GRB14: variants seen among roughly 807,000 people sequenced by gnomAD.
GRB14 encodes the protein growth factor receptor-bound protein 14.
In GRB14, 38 loss-of-function variants were observed where a neutral mutation model predicts 69.1. The observed-to-expected ratio is 0.55, with a 90% CI of 0.42 to 0.72. GRB14 has a LOEUF of 0.72. Among genes scored for constraint, GRB14 ranks in the 30% least tolerant of loss-of-function variants. The pLI is 0.00. For synonymous variants in GRB14, 247 were observed against 241.3 expected (o/e 1.02, Z -0.22); for missense variants, 666 against 666.1 (o/e 1.00, Z 0.00).
At chr2:164,585,749 T>C (rs1689523204) in intron 2 of GRB14, among the ~76,000 whole-genome samples, 1 of 152,140 alleles carries the variant, frequency 6.6e-6, no homozygotes, top group African/African-American at 2.4e-5. Context: ...TAAGAAGTGA[T>C]CATATAGATA....
chr2:164,514,376 T>C (rs1482852620), intron 6 of GRB14, among the ~76,000 whole-genome samples: 1 of 152,024 alleles, frequency 6.6e-6, no homozygotes, highest in Admixed American at 6.6e-5. Flanking sequence ...CAAAAAACTG[T>C]GAGTACCCAA....
intron 3 of GRB14, among the ~76,000 whole-genome samples, chr2:164,538,875 T>C (rs972188446): frequency 3.1e-4 from 47 of 152,298 alleles, no homozygotes; most frequent in African/African-American, 1.0e-3. Flanking sequence ...CTCAGTTCAA[T>C]CTCAGTAATT....
At position 164,557,050 on chromosome 2, in the gene GRB14, G is replaced by A. The variant is rs561150163; in HGVS notation, c.325-9234C>T. On this transcript the variant is annotated intron_variant, in intron 2 of 13. Transcript: ENST00000263915. ...CAAATTTTCATGAAACTTATGGACTGAACAAAGGTGGCTTAGGTGACTGCT... is the reference window on the plus strand; with the variant it reads ...CAAATTTTCATGAAACTTATGGACTAAACAAAGGTGGCTTAGGTGACTGCT... Among the ~76,000 whole-genome samples the A allele has an allele frequency of 1.1e-4, 16 of 152,308 alleles. 1 individual carries two copies. The highest frequency in any genetic ancestry group is 2.0e-4 in the Admixed American group (3 of 15,300).
chr2:164,525,796 ATTC>A (rs1687755239), intron 4 of GRB14, among the ~76,000 whole-genome samples: 1 of 152,006 alleles, frequency 6.6e-6, no homozygotes, highest in Non-Finnish European at 1.5e-5. Flanking sequence ...TGGTCTAATA[ATTC>A]TGTGTTGAGG....
intron 6 of GRB14, among the ~76,000 whole-genome samples, chr2:164,514,182 A>AG (rs1314733873): frequency 6.6e-6 from 1 of 152,238 alleles, no homozygotes; most frequent in Non-Finnish European, 1.5e-5. Flanking sequence ...AAATAACTAA[A>AG]GAGAAGTAAA....
chr2:164,613,573 G>T (rs773149367), intron 2 of GRB14, among the ~76,000 whole-genome samples: 1 of 152,182 alleles, frequency 6.6e-6, no homozygotes, highest in Non-Finnish European at 1.5e-5. Context: ...AAGCAACACT[G>T]CAAAGAAATC....
At chr2:164,599,554 T>A (rs1328991451) in intron 2 of GRB14, among the ~76,000 whole-genome samples, 1 of 152,162 alleles carries the variant, frequency 6.6e-6, no homozygotes, top group Non-Finnish European at 1.5e-5. Flanking sequence ...AATGACAAAG[T>A]AGGCAGTGCT....
In GRB14 at chr2:164,525,067, TG is replaced by T; in HGVS notation, c.614del (p.Pro205GlnfsTer25). Reference sequence around the variant, plus strand: ...CAGTTGCAAAAGATACCATATGCTCTGGAAAAAAATACTGTCAAAAAGACAC... The same window carrying T: ...CAGTTGCAAAAGATACCATATGCTCTGAAAAAAATACTGTCAAAAAGACAC... ...EFFKNPMYFF[P>X]EHMVSFATET... On this transcript the variant is annotated frameshift_variant, in exon 5 of 14. Transcript: ENST00000263915. LOFTEE classifies it high-confidence loss of function. 6.3e-7 allele frequency: 1 copy of T among 1,578,208 alleles called. No homozygotes were observed. Among genetic ancestry groups the T allele is most frequent in the Non-Finnish European group, 8.7e-7 (1 of 1,155,110 alleles).
At chr2:164,580,997 C>T (rs1689390632) in intron 2 of GRB14, among the ~76,000 whole-genome samples, 1 of 152,172 alleles carries the variant, frequency 6.6e-6, no homozygotes, top group African/African-American at 2.4e-5. Flanking sequence ...TAGGATGACA[C>T]TTTCTTCTAC....
In GRB14 at chr2:164,614,886, G is replaced by C. The variant is rs528662141; in HGVS notation, c.324+4801C>G. ...TGATATAAGAGGCCCTTTAATTTGG[G>C]GACAGAGATCTGCTTATCCTTTGAA... is the stretch of plus-strand genomic sequence containing the variant. On this transcript the variant is annotated intron_variant, in intron 2 of 13. Transcript: ENST00000263915. Among the ~76,000 whole-genome samples the C allele has an allele frequency of 1.4e-3, 209 of 152,178 alleles. 1 individual carries two copies. Among genetic ancestry groups the C allele is most frequent in the African/African-American group, 4.8e-3 (198 of 41,528 alleles).
intron 8 of GRB14, among the ~76,000 whole-genome samples, chr2:164,507,876 C>T (rs890143132): frequency 7.2e-5 from 11 of 152,118 alleles, no homozygotes; most frequent in Non-Finnish European, 1.5e-4. Context: ...GAGAGTCTAC[C>T]TTTAGAATAT....
In GRB14 at chr2:164,567,314, T is replaced by C. The variant is rs540833066; in HGVS notation, c.325-19498A>G. Among the ~76,000 whole-genome samples, 8 of 152,262 alleles carry C rather than the reference T, an allele frequency of 5.3e-5. No individual in the cohort carries two copies. The East Asian group carries it at 1.4e-3, about 26-fold the overall frequency. On this transcript the variant is annotated intron_variant, in intron 2 of 13. Coordinates refer to ENST00000263915, the MANE Select transcript of GRB14 (RefSeq NM_004490.3). ...TGGATAAGAAAATAAGCTGAAAATCTAAAAATTAAAAATAGTAAAGAGGCA... is the reference window on the plus strand; with the variant it reads ...TGGATAAGAAAATAAGCTGAAAATCCAAAAATTAAAAATAGTAAAGAGGCA...
rs1483745800 is a variant in GRB14, at chr2:164,621,337, A to G, written c.-28T>C. On this transcript the variant is annotated 5_prime_UTR_variant, in exon 1 of 14. The change abolishes an upstream ATG in the 5' untranslated region. Coordinates refer to ENST00000263915, the MANE Select transcript of GRB14 (RefSeq NM_004490.3). The surrounding 1 kb of genome is among the most constrained non-coding windows in gnomAD (Gnocchi z 6.0). ...TCGCCGGCCGGGGGGCTCGGGCGTC[A>G]TGGGAGACTCGGCGCGTGGGGAGAA... 5 of 1,276,544 alleles carry G rather than the reference A, an allele frequency of 3.9e-6. No individual in the cohort carries two copies. The African/African-American group carries it at 4.6e-5, about 12-fold the overall frequency. 79.1% of individuals were successfully genotyped at this position (1,276,544 alleles called of 1,614,324 possible).
At chr2:164,600,909 C>T (rs921548206) in intron 2 of GRB14, among the ~76,000 whole-genome samples, 1 of 151,982 alleles carries the variant, frequency 6.6e-6, no homozygotes, top group African/African-American at 2.4e-5. Flanking sequence ...CTAATAGTGA[C>T]CACACAACAG....
intron 3 of GRB14, among the ~76,000 whole-genome samples, chr2:164,530,645 C>G (rs992146701): frequency 2.0e-4 from 31 of 151,816 alleles, no homozygotes; most frequent in Admixed American, 1.7e-3. Flanking sequence ...AAAAAAAAAC[C>G]CTTGAGGTGA....
chr2:164,501,788 G>A (rs1687059768), intron 9 of GRB14, among the ~76,000 whole-genome samples: 1 of 151,940 alleles, frequency 6.6e-6, no homozygotes, highest in African/African-American at 2.4e-5. Flanking sequence ...GTATACTGTA[G>A]CTTTTAAAAT....
At chr2:164,548,733 T>G (rs572338120) in intron 2 of GRB14, among the ~76,000 whole-genome samples, 5 of 152,346 alleles carry the variant, frequency 3.3e-5, no homozygotes, top group African/African-American at 1.2e-4. Flanking sequence ...TTATCTCTTG[T>G]CTTTTTGATA....
At chr2:164,502,128 G>T in intron 9 of GRB14, 127 bp downstream of exon 9, 1 of 527,086 alleles carries the variant, frequency 1.9e-6, no homozygotes, top group Non-Finnish European at 3.5e-6. Context: ...TACTAGAATG[G>T]TGCCAAAGAG....
intron 6 of GRB14, among the ~76,000 whole-genome samples, chr2:164,509,323 C>T (rs543889738): frequency 6.6e-6 from 1 of 152,280 alleles, no homozygotes; most frequent in East Asian, 1.9e-4. Flanking sequence ...AGTCATCCCT[C>T]ACATTTGTGT....
Sources: gnomAD v4.1 joint callset for allele counts (sites outside exome capture counted in the v4.1 genomes callset) on GRCh38, gnomAD v4.1.1 for gene constraint, Gnocchi (gnomAD v3.1) non-coding constraint, MANE v1.5 for transcripts, NCBI Gene and HGNC (gene_info 2026-07-23, HGNC 2026-07-21) for gene names.